The following MTRF1 variants were observed in gnomAD, a reference collection of about 807,000 sequenced individuals.
MTRF1 encodes mitochondrial translation release factor 1.
MTRF1 carries 51 observed loss-of-function variants against 62.9 expected under a neutral mutation model. The ratio of observed to expected loss-of-function variants is 0.81; its 90% CI spans 0.65 to 1.02. The LOEUF (loss-of-function observed/expected upper bound fraction) is 1.02. Ranked by LOEUF, MTRF1 falls within the 50% of genes least tolerant of loss-of-function variation. The pLI, the probability that MTRF1 is intolerant of heterozygous loss-of-function variation, is 0.00. For synonymous variants in MTRF1, 158 were observed against 181.9 expected (o/e 0.87, Z 1.06); for missense variants, 446 against 530.0 (o/e 0.84, Z 1.56).
At chr13:41,266,946 G>A (rs2040846424), upstream of MTRF1, among the ~76,000 whole-genome samples, 1 of 137,524 alleles carries the variant, frequency 7.3e-6, no homozygotes, top group Non-Finnish European at 1.5e-5. Flanking sequence ...AGTGAGCTGA[G>A]ATCAGGGGCC....
At chr13:41,273,648 A>T in the MTRF1 span, among the ~76,000 whole-genome samples, 2 of 151,920 alleles carry the variant, frequency 1.3e-5, no homozygotes, top group Admixed American at 6.6e-5. Context: ...GACCAGCATG[A>T]TCAACATGGA....
intron 2 of MTRF1, among the ~76,000 whole-genome samples, chr13:41,256,296 ACTAATT>A (rs1252191729): frequency 6.6e-6 from 1 of 151,882 alleles, no homozygotes; most frequent in African/African-American, 2.4e-5. Flanking sequence ...TGTCATCAGA[ACTAATT>A]CTAATTACAG....
chr13:41,250,410 T>C (rs548016139), intron 5 of MTRF1, among the ~76,000 whole-genome samples: 1 of 152,304 alleles, frequency 6.6e-6, no homozygotes, highest in South Asian at 2.1e-4. Context: ...TCAGACATTA[T>C]CTCTGAGCTG....
intron 6 of MTRF1, among the ~76,000 whole-genome samples, chr13:41,238,459 G>GA (rs1036887759): frequency 2.0e-5 from 3 of 152,144 alleles, no homozygotes; most frequent in African/African-American, 7.2e-5. Context: ...TCATATACTA[G>GA]AAAAAGAATG....
intron 5 of MTRF1, among the ~76,000 whole-genome samples, chr13:41,246,128 A>T (rs2038221713): frequency 6.6e-6 from 1 of 152,188 alleles, no homozygotes; most frequent in Non-Finnish European, 1.5e-5. Flanking sequence ...TCCAGAGAAT[A>T]ACCATGAGTT....
chr13:41,260,718 G>A lies in MTRF1; in HGVS notation c.190C>T (p.Gln64Ter). ...TGCTTCCAGAGCATCTTGGTGTCTTGATGGCAATATCTCCTGGACCAATTC... is the reference window on the plus strand; with the variant it reads ...TGCTTCCAGAGCATCTTGGTGTCTTAATGGCAATATCTCCTGGACCAATTC... ...SKNWSRRYCH[Q>*]DTKMLWKHKA... Residue 64 changes from glutamine (Q) to a stop codon, truncating the protein, a stop_gained, in exon 2 of 10, where the codon CAA becomes TAA. Coordinates refer to ENST00000379480, the MANE Select transcript of MTRF1 (RefSeq NM_004294.4). LOFTEE classifies it high-confidence loss of function. 1.2e-6 allele frequency: 2 copies of A among 1,614,144 alleles called. No individual in the cohort carries two copies. The highest frequency in any genetic ancestry group is 1.7e-6 in the Non-Finnish European group (2 of 1,180,006).
At chr13:41,240,216 C>G in intron 6 of MTRF1, 45 bp downstream of exon 6, 1 of 1,527,566 alleles carries the variant, frequency 6.5e-7, no homozygotes, top group Non-Finnish European at 8.9e-7. Context: ...CAGCACAATA[C>G]CCGTTGACAT....
At chr13:41,266,996 C>CAAAAAAAAAAAAAAAAAAAAA (rs59609555), upstream of MTRF1, among the ~76,000 whole-genome samples, 1 of 81,216 alleles carries the variant, frequency 1.2e-5, no homozygotes, top group Non-Finnish European at 2.4e-5. Flanking sequence ...GACTCTGTCT[C>CAAAAAAAAAAAAAAAAAAAAA]AAAAAAAAAA....
At position 41,223,303 on chromosome 13, in the gene MTRF1, C is replaced by G. The variant is rs1397017540; in HGVS notation, c.1177G>C (p.Asp393His). The G allele has an allele frequency of 6.2e-7, 1 of 1,613,914 alleles. No individual in the cohort carries two copies. Among genetic ancestry groups the G allele is most frequent in the East Asian group, 2.2e-5 (1 of 44,860 alleles). Residue 393 changes from aspartate (D) to histidine (H), a missense_variant, in exon 9 of 10, where the codon GAT becomes CAT. Asp to His is a moderately conservative substitution (Grantham distance 81). Coordinates refer to ENST00000379480, the MANE Select transcript of MTRF1 (RefSeq NM_004294.4). The part of the protein sequence containing the change: ...ERIRTYNFTQ[D>H]RVSDHRIAYE... ...GCTATCCTGTGGTCACTGACTCTAT[C>G]CTGGGTGAAATTATATGTCCGAATT...
chr13:41,299,796 G>A, the MTRF1 span, among the ~76,000 whole-genome samples: 77 of 151,812 alleles, frequency 5.1e-4, no homozygotes, highest in African/African-American at 1.7e-3. Context: ...TGAGAGAAAT[G>A]TTTGAAAAGC....
chr13:41,249,119 C>T (rs1337173770), intron 5 of MTRF1, among the ~76,000 whole-genome samples: 2 of 151,918 alleles, frequency 1.3e-5, no homozygotes, highest in Non-Finnish European at 2.9e-5. Flanking sequence ...CTCTCCATTT[C>T]AATTAAACAT....
chr13:41,274,836 A>G, the MTRF1 span, among the ~76,000 whole-genome samples: 2 of 151,946 alleles, frequency 1.3e-5, no homozygotes, highest in African/African-American at 4.8e-5. Flanking sequence ...GGGTTTCACC[A>G]TTTTGACCTC....
chr13:41,278,701 A>G, the MTRF1 span, among the ~76,000 whole-genome samples: 1 of 152,220 alleles, frequency 6.6e-6, no homozygotes, highest in Non-Finnish European at 1.5e-5. Flanking sequence ...CCCTCAGTCC[A>G]TTCTCATTCA....
upstream of MTRF1, among the ~76,000 whole-genome samples, chr13:41,263,756 G>A (rs2139237682): frequency 6.6e-6 from 1 of 150,510 alleles, no homozygotes; most frequent in South Asian, 2.1e-4. Context: ...AACCGCCCCC[G>A]CGCCGTCCTT....
rs1194853411 is a variant in MTRF1, at chr13:41,260,518, A to C, written c.390T>G (p.Ile130Met). 1.2e-6 allele frequency: 2 copies of C among 1,613,204 alleles called. No individual in the cohort carries two copies. Residue 130 changes from isoleucine to methionine, a missense_variant, in exon 2 of 10, where the codon ATT becomes ATG. By Grantham distance (10) the Ile-to-Met change is conservative. Coordinates refer to ENST00000379480, the MANE Select transcript of MTRF1 (RefSeq NM_004294.4). ...TTTTACACATTGATTCTAATTCTTC[A>C]ATTGCTTGTTCAGTCTCCTGAATTT... ...YQEIQETEQA[I>M]EELESMCKSL...
chr13:41,260,418 T>TA (rs1285426689), intron 2 of MTRF1, 75 bp downstream of exon 2: 4 of 1,267,158 alleles, frequency 3.2e-6, no homozygotes, highest in Non-Finnish European at 3.3e-6. Context: ...AATCTGTACT[T>TA]ACACACACGC....
intron 2 of MTRF1, among the ~76,000 whole-genome samples, chr13:41,255,731 ATACATTTT>A (rs1276395807): frequency 6.6e-6 from 1 of 152,188 alleles, no homozygotes; most frequent in Non-Finnish European, 1.5e-5. Context: ...CAGACAAAAC[ATACATTTT>A]TGTAACCTGT....
upstream of MTRF1, among the ~76,000 whole-genome samples, chr13:41,267,567 A>AAAGTAAAAAAGTGATAAAAAGCCAGGC (rs1213548118): frequency 3.3e-5 from 5 of 152,128 alleles, no homozygotes; most frequent in Admixed American, 3.3e-4. Context: ...AAACTTTTCT[A>AAAGTAAAAAAGTGATAAAAAGCCAGGC]AAGTAAAAAA....
chr13:41,294,434 A>AAAGAAAG, the MTRF1 span, among the ~76,000 whole-genome samples: 4 of 148,824 alleles, frequency 2.7e-5, no homozygotes, highest in African/African-American at 1.0e-4. Context: ...AAAAAAAAAG[A>AAAGAAAG]AAGAAAGAAA....
Sources: allele counts gnomAD v4.1 joint callset (sites outside exome capture counted in the v4.1 genomes callset), GRCh38; gene constraint gnomAD v4.1.1; transcripts MANE v1.5; gene names NCBI Gene and HGNC (gene_info 2026-07-23, HGNC 2026-07-21).